The following ELMO1 variants were observed in gnomAD, a reference collection of about 807,000 sequenced individuals.
ELMO1 encodes the protein engulfment and cell motility 1.
Under a neutral mutation model 98.9 loss-of-function variants are expected in ELMO1, and 26 were observed. The observed-to-expected ratio is 0.26, with a 90% confidence interval of 0.19 to 0.36. ELMO1 has a LOEUF of 0.36. ELMO1 is among the 10% of genes least tolerant of loss of function. The pLI, the probability that ELMO1 is intolerant of heterozygous loss-of-function variation, is 1.00. For synonymous variants in ELMO1, 346 were observed against 346.0 expected, an observed-to-expected ratio of 1.00 and a Z score of 0.00; for missense variants, 627 against 935.2, an observed-to-expected ratio of 0.67 and a Z score of 4.30.
chr7:37,126,325 A>ATATATG (rs1563019707), intron 14 of ELMO1, among the ~76,000 whole-genome samples: 1 of 147,050 alleles, frequency 6.8e-6, no homozygotes, highest in Non-Finnish European at 1.5e-5. Context: ...ATATATATAT[A>ATATATG]TATAAAAGAA....
intron 15 of ELMO1, among the ~76,000 whole-genome samples, chr7:37,058,219 T>C (rs1363182124): frequency 6.6e-6 from 1 of 152,208 alleles, no homozygotes; most frequent in Non-Finnish European, 1.5e-5. Context: ...CTTCTCACTG[T>C]TTTTGATTCT....
rs573410466 is a variant in ELMO1, at chr7:36,977,185, T to C, written c.1437+36114A>G. Among the ~76,000 whole-genome samples the C allele has an allele frequency of 5.9e-5, 9 of 152,364 alleles. No individual in the cohort carries two copies. In the South Asian group the frequency reaches 1.9e-3, roughly 32 times the overall value. ...CCTCTATCCTTTGAGCATAGGAGGA[T>C]GTACTCTTCCATAAAACTTGTTGCT... is the stretch of plus-strand genomic sequence containing the variant. On this transcript the variant is annotated intron_variant, in intron 16 of 21. Transcript: ENST00000310758.
At chr7:36,979,765 G>A (rs1249944135) in intron 16 of ELMO1, among the ~76,000 whole-genome samples, 2 of 152,154 alleles carry the variant, frequency 1.3e-5, no homozygotes, top group East Asian at 3.8e-4. Context: ...GCAAGGAGGG[G>A]GCTCCATCTC....
At position 37,261,713 on chromosome 7, in the gene ELMO1, C is replaced by T. The variant is rs148196045; in HGVS notation, c.244-2363G>A. Among the ~76,000 whole-genome samples the T allele has an allele frequency of 9.9e-3, 1,513 of 152,284 alleles. 28 individuals are homozygous for T. Among genetic ancestry groups the T allele is most frequent in the African/African-American group, 0.035 (1,457 of 41,552 alleles). On this transcript the variant is annotated intron_variant, in intron 5 of 21. Coordinates refer to ENST00000310758, the MANE Select transcript of ELMO1 (RefSeq NM_014800.11). ...CGCCTCCCAGATTCAAGCGATTCTC[C>T]TGTCTCAGCGTCCCAAGTAGCTGGA...
rs573377899 is a variant in ELMO1 at position 37,388,896 on chromosome 7, A to C, written c.-73-46133T>G. Among the ~76,000 whole-genome samples the C allele has an allele frequency of 2.6e-5, 4 of 152,372 alleles. No individual in the cohort carries two copies. In the East Asian group the frequency reaches 7.7e-4, roughly 29 times the overall value. On this transcript the variant is annotated intron_variant, in intron 1 of 21. Coordinates refer to ENST00000310758, the MANE Select transcript of ELMO1 (RefSeq NM_014800.11). ...AAGAGCTTTGGGAGGGATAGCTTTA[A>C]GTAGCACACAAAATAATCCAATACA...
chr7:37,145,636 G>A (rs1394221133), intron 13 of ELMO1, among the ~76,000 whole-genome samples: 2 of 152,204 alleles, frequency 1.3e-5, no homozygotes, highest in African/African-American at 4.8e-5. Flanking sequence ...AATTACCAGT[G>A]CCATGCTAGT....
chr7:37,160,342 A>G (rs1254159954), intron 13 of ELMO1, among the ~76,000 whole-genome samples: 2 of 152,258 alleles, frequency 1.3e-5, no homozygotes, highest in African/African-American at 2.4e-5. Flanking sequence ...GAACATTTCA[A>G]TCCTCCACAA....
chr7:36,866,955 GT>G (rs1461340495), intron 20 of ELMO1, among the ~76,000 whole-genome samples: 2 of 152,160 alleles, frequency 1.3e-5, no homozygotes, highest in East Asian at 3.8e-4. Context: ...GCCTTTTGAT[GT>G]TTTGCTTGAT....
chr7:37,162,065 TA>T (rs981721145), intron 13 of ELMO1, among the ~76,000 whole-genome samples: 27 of 147,254 alleles, frequency 1.8e-4, no homozygotes, highest in African/African-American at 6.2e-4. Context: ...GGGAGAGAGA[TA>T]AGAAAAAGTG....
intron 13 of ELMO1, among the ~76,000 whole-genome samples, chr7:37,197,952 A>C (rs1488508029): frequency 6.6e-6 from 1 of 152,196 alleles, no homozygotes; most frequent in Non-Finnish European, 1.5e-5. Flanking sequence ...TCGTGGATGG[A>C]GTCATCCAAT....
At chr7:37,218,454 T>G (rs539977609) in intron 10 of ELMO1, among the ~76,000 whole-genome samples, 1 of 152,146 alleles carries the variant, frequency 6.6e-6, no homozygotes, top group African/African-American at 2.4e-5. Context: ...AAATAAATAT[T>G]TTATACTACC....
intron 15 of ELMO1, among the ~76,000 whole-genome samples, chr7:37,034,723 G>C (rs1321526739): frequency 6.6e-6 from 1 of 152,106 alleles, no homozygotes; most frequent in African/African-American, 2.4e-5. Context: ...CAAGTAGACT[G>C]TTTCAGTTTC....
At chr7:37,385,792 G>A (rs1802777195) in intron 1 of ELMO1, among the ~76,000 whole-genome samples, 1 of 152,226 alleles carries the variant, frequency 6.6e-6, no homozygotes, top group Non-Finnish European at 1.5e-5. Flanking sequence ...CACAAAATAC[G>A]AAGGGGCGGC....
chr7:37,235,748 C>T (rs570135046), intron 7 of ELMO1, among the ~76,000 whole-genome samples: 25 of 152,310 alleles, frequency 1.6e-4, no homozygotes, highest in South Asian at 6.2e-4. Flanking sequence ...GCCTGGCCAA[C>T]GTGGTGAAAC....
intron 19 of ELMO1, among the ~76,000 whole-genome samples, chr7:36,872,896 A>G (rs546829791): frequency 2.6e-5 from 4 of 152,324 alleles, no homozygotes; most frequent in South Asian, 2.1e-4. Flanking sequence ...AACTAGAGAC[A>G]GTGTCCACAA....
chr7:37,302,590 G>A (rs1292832120), intron 4 of ELMO1, among the ~76,000 whole-genome samples: 4 of 152,078 alleles, frequency 2.6e-5, no homozygotes, highest in African/African-American at 7.2e-5. Context: ...AGCCAGACAT[G>A]AGTGAAGAAG....
chr7:37,320,552 A>G (rs1360961961), intron 2 of ELMO1, among the ~76,000 whole-genome samples: 1 of 152,144 alleles, frequency 6.6e-6, no homozygotes, highest in Non-Finnish European at 1.5e-5. Context: ...CACCTCCTCT[A>G]ATCAGATGCC....
chr7:37,211,968 C>T (rs923385767), intron 12 of ELMO1, among the ~76,000 whole-genome samples: 1 of 152,170 alleles, frequency 6.6e-6, no homozygotes, highest in African/African-American at 2.4e-5. Context: ...GTCAAAGGTG[C>T]AAACAACCCA....
intron 13 of ELMO1, among the ~76,000 whole-genome samples, chr7:37,159,885 A>T (rs1057312909): frequency 6.6e-6 from 1 of 152,170 alleles, no homozygotes; most frequent in Non-Finnish European, 1.5e-5. Context: ...GTATCTGTAA[A>T]ATCTGAGTGG....
Sources: gnomAD v4.1 joint callset for allele counts (sites outside exome capture counted in the v4.1 genomes callset) on GRCh38, gnomAD v4.1.1 for gene constraint, MANE v1.5 for transcripts, NCBI Gene and HGNC (gene_info 2026-07-23, HGNC 2026-07-21) for gene names.